Variants in CASP5 observed in about 807,000 individuals in gnomAD.
CASP5 encodes caspase-5.
Under a neutral mutation model 45.2 loss-of-function variants are expected in CASP5, and 42 were observed. That is an observed-to-expected ratio of 0.93 (90% CI 0.73 to 1.20). The LOEUF (loss-of-function observed/expected upper bound fraction) is 1.20. CASP5 is among the 50% of genes most tolerant of loss of function. The pLI is 0.00. For missense variants in CASP5, 512 were observed against 532.2 expected (o/e 0.96, Z 0.37); for synonymous variants, 209 against 186.2 (o/e 1.12, Z -1.00).
At chr11:105,007,040 T>C in intron 3 of CASP5, 43 bp downstream of exon 3, 2 of 1,547,546 alleles carry the variant, frequency 1.3e-6, no homozygotes, top group Non-Finnish European at 1.8e-6. Flanking sequence ...TTGAATATAT[T>C]CTGGAAAATT....
chr11:105,009,720 C>CATATAT (rs199695891), intron 1 of CASP5, among the ~76,000 whole-genome samples: 1,948 of 63,334 alleles, frequency 0.031, 23 homozygotes, highest in Non-Finnish European at 0.034. Context: ...TATATACACA[C>CATATAT]ATATATATAT....
chr11:105,002,673 T>G (rs926193383), intron 4 of CASP5, among the ~76,000 whole-genome samples: 1 of 152,248 alleles, frequency 6.6e-6, no homozygotes, highest in Non-Finnish European at 1.5e-5. Flanking sequence ...TATAAACAAT[T>G]ACTACTCAGC....
intron 1 of CASP5, among the ~76,000 whole-genome samples, chr11:105,009,721 A>ATG (rs1862182777): frequency 2.3e-4 from 1 of 4,362 alleles, no homozygotes; most frequent in Non-Finnish European, 4.1e-4. Flanking sequence ...ATATACACAC[A>ATG]TATATATATA....
chr11:105,010,446 CATT>C (rs201150295), intron 1 of CASP5, among the ~76,000 whole-genome samples: 2 of 133,338 alleles, frequency 1.5e-5, no homozygotes, highest in East Asian at 2.0e-4. Flanking sequence ...CAGTAATTAT[CATT>C]ATTATACTGA....
intron 1 of CASP5, among the ~76,000 whole-genome samples, chr11:105,013,493 A>G (rs1160470170): frequency 6.6e-6 from 1 of 152,090 alleles, no homozygotes; most frequent in Non-Finnish European, 1.5e-5. Context: ...TATATTTCAA[A>G]CATCATTTTG....
intron 3 of CASP5, among the ~76,000 whole-genome samples, chr11:105,003,689 T>C (rs188269444): frequency 6.6e-6 from 1 of 152,200 alleles, no homozygotes; most frequent in African/African-American, 2.4e-5. Flanking sequence ...AGTTTGATTT[T>C]TCCAGTGGTT....
intron 3 of CASP5, among the ~76,000 whole-genome samples, chr11:105,005,547 C>G (rs1861962262): frequency 6.6e-6 from 1 of 152,158 alleles, no homozygotes; most frequent in Non-Finnish European, 1.5e-5. Context: ...CACCCAGCTT[C>G]CTGGTCTGCT....
At chr11:105,021,043 A>T (rs1184311460) in intron 1 of CASP5, among the ~76,000 whole-genome samples, 1 of 152,146 alleles carries the variant, frequency 6.6e-6, no homozygotes, top group African/African-American at 2.4e-5. Flanking sequence ...AACCTGAGAC[A>T]AACAAGCAAT....
At chr11:105,006,040 G>A (rs775922259) in intron 3 of CASP5, among the ~76,000 whole-genome samples, 5 of 152,124 alleles carry the variant, frequency 3.3e-5, no homozygotes, top group Non-Finnish European at 7.4e-5. Context: ...ATGATCGTAT[G>A]TGATTATTGG....
At chr11:105,006,881 G>A (rs1049113632) in intron 3 of CASP5, among the ~76,000 whole-genome samples, 4 of 152,144 alleles carry the variant, frequency 2.6e-5, no homozygotes, top group Admixed American at 1.3e-4. Context: ...CTAAACACAA[G>A]GACACAGCTT....
At chr11:105,016,703 C>T (rs1395441028) in intron 1 of CASP5, among the ~76,000 whole-genome samples, 1 of 152,238 alleles carries the variant, frequency 6.6e-6, no homozygotes, top group Non-Finnish European at 1.5e-5. Context: ...TGAGATCAAA[C>T]TGCAAGGCAG....
chr11:105,000,208 C>T, intron 6 of CASP5, 53 bp downstream of exon 6: 1 of 1,578,392 alleles, frequency 6.3e-7, no homozygotes, highest in Non-Finnish European at 8.7e-7. Context: ...CCAAACATCA[C>T]AATCCTCTGC....
chr11:105,009,766 C>CTGT, intron 1 of CASP5, among the ~76,000 whole-genome samples: 1 of 78,654 alleles, frequency 1.3e-5, no homozygotes, highest in African/African-American at 4.6e-5. Flanking sequence ...TATACACACA[C>CTGT]ACACGTATAT....
At position 104,998,714 on chromosome 11, in the gene CASP5, G is replaced by A. The variant is rs45615032; in HGVS notation, c.1096+171C>T. ...ACAGTTTTTTAAAATGTGTGTGTGG[G>A]AGGGGGAAGGAATCTATTCTCACAG... On this transcript the variant is annotated intron_variant, in intron 7 of 9. Transcript: ENST00000260315. 3.3e-3 allele frequency among the ~76,000 whole-genome samples: 500 copies of A among 152,260 alleles called. 3 individuals carry two copies. Among genetic ancestry groups the A allele is most frequent in the African/African-American group, 0.012 (485 of 41,552 alleles).
chr11:105,002,308 C>T, intron 4 of CASP5, 107 bp from the exon 5 acceptor site: 1 of 828,920 alleles, frequency 1.2e-6, no homozygotes, highest in Non-Finnish European at 2.0e-6. Flanking sequence ...GCCACCTTCC[C>T]TAACCTCTAT....
chr11:105,003,235 T>A, intron 4 of CASP5, 39 bp downstream of exon 4: 1 of 1,217,928 alleles, frequency 8.2e-7, no homozygotes, highest in East Asian at 2.4e-5. Context: ...AAGCAATTGT[T>A]TCTCTCTTCT....
At chr11:104,995,995 A>G (rs931871914) in intron 8 of CASP5, among the ~76,000 whole-genome samples, 153 bp from the exon 9 acceptor site, 4 of 152,098 alleles carry the variant, frequency 2.6e-5, no homozygotes, top group Non-Finnish European at 2.9e-5. Context: ...CTGCTACTCT[A>G]CCTCTTAGAA....
intron 1 of CASP5, among the ~76,000 whole-genome samples, chr11:105,012,810 T>A (rs1162359456): frequency 1.3e-5 from 2 of 151,844 alleles, no homozygotes; most frequent in African/African-American, 4.8e-5. Context: ...TGTATACTGT[T>A]GGTGAAAATA....
rs1555078777 is a variant in CASP5 at position 105,007,313 on chromosome 11, G to GC, written c.202_203insG (p.Thr68SerfsTer3). 1 of 1,003,604 alleles carries GC rather than the reference G, an allele frequency of 1.0e-6. No individual in the cohort carries two copies. The highest frequency in any genetic ancestry group is 1.4e-6 in the Non-Finnish European group (1 of 735,422). 62.2% of individuals were successfully genotyped at this position (1,003,604 alleles called of 1,614,324 possible). ...GCCCAGGTATTCCAACATCTTAACT[G>GC]TTTTTTTTTTGTGGTTGTCTTCTGT... On this transcript the variant is annotated frameshift_variant, in exon 3 of 10. Transcript: ENST00000260315. LOFTEE classifies it high-confidence loss of function.
Sources: gnomAD v4.1 joint callset for allele counts (sites outside exome capture counted in the v4.1 genomes callset) on GRCh38, gnomAD v4.1.1 for gene constraint, MANE v1.5 for transcripts, NCBI Gene and HGNC (gene_info 2026-07-23, HGNC 2026-07-21) for gene names.